The following DECR2 variants were observed in gnomAD, a reference collection of about 807,000 sequenced individuals.
DECR2 encodes the protein 2,4-dienoyl-CoA reductase 2.
In DECR2, 34 loss-of-function variants were observed where a neutral mutation model predicts 29.2. The observed-to-expected ratio is 1.16, with a 90% CI of 0.89 to 1.55. DECR2 has a LOEUF of 1.55. DECR2 is among the 40% of genes most tolerant of loss of function. DECR2 has a pLI of 0.00. For synonymous variants in DECR2, 224 were observed against 182.7 expected (o/e 1.23, Z -1.82); for missense variants, 485 against 425.3 (o/e 1.14, Z -1.23).
chr16:410,401 C>T lies in DECR2; in HGVS notation c.462+34C>T, dbSNP rs1471643553. 5.6e-6 allele frequency: 9 copies of T among 1,593,516 alleles called. No homozygotes were observed. Among genetic ancestry groups the T allele is most frequent in the Non-Finnish European group, 7.7e-6 (9 of 1,166,692 alleles). On this transcript the variant is annotated intron_variant, in intron 5 of 8. Transcript: ENST00000219481. This position sits in a 1 kb window ranked among gnomAD's most constrained non-coding sequence, Gnocchi z 4.1. ...CTCGTGCGCTCTGTGAGAAGTTCTTCCGGGTGGGTGCCTCGTGCGCTCTGT... is the reference window on the plus strand; with the variant it reads ...CTCGTGCGCTCTGTGAGAAGTTCTTTCGGGTGGGTGCCTCGTGCGCTCTGT...
At chr16:406,076 G>A (rs2054720486) in intron 2 of DECR2, among the ~76,000 whole-genome samples, 1 of 152,250 alleles carries the variant, frequency 6.6e-6, no homozygotes. Flanking sequence ...CTGGGCGTCT[G>A]TGGCTCACAG....
intron 2 of DECR2, chr16:405,659 G>A (rs1182130112): frequency 2.4e-6 from 3 of 1,259,356 alleles, no homozygotes; most frequent in Non-Finnish European, 3.2e-6. Context: ...CCGTTTGTCT[G>A]TGTCAGGTGA....
At position 410,363 on chromosome 16, in the gene DECR2, TC is replaced by T; in HGVS notation, c.460del (p.Arg154GlyfsTer6). The T allele has an allele frequency of 6.3e-7, 1 of 1,598,084 alleles. No individual in the cohort carries two copies. Among genetic ancestry groups the T allele is most frequent in the Non-Finnish European group, 8.5e-7 (1 of 1,172,982 alleles). ...TCTCGTGTGCTCTATGAGAAGTTCT[TC>T]CGGGTGGGTGCCTCGTGCGCTCTGT... ...NVSRVLYEKFFRDHGGVIVNI... is the reference protein window; with the variant it reads ...NVSRVLYEKFXRDHGGVIVNI... On this transcript the variant is annotated frameshift_variant, in exon 5 of 9. Transcript: ENST00000219481. LOFTEE classifies it high-confidence loss of function. The surrounding 1 kb of genome is among the most constrained non-coding windows in gnomAD (Gnocchi z 4.1).
In DECR2 at chr16:402,002, T is replaced by C; in HGVS notation, c.39T>C (p.Cys13=). ...CGCCCGACGTGGAGGGGGACGACTG[T>C]CTCCCCGCGTACCGCCACCTCTTCT... The part of the protein sequence containing the change: ...QPPPDVEGDD[C]LPAYRHLFCP... The change falls in exon 1 of 9, where the codon TGT becomes TGC. Residue 13 remains cysteine (C), a synonymous_variant. Transcript: ENST00000219481. 6.7e-7 allele frequency: 1 copy of C among 1,488,888 alleles called. No homozygotes were observed. Among genetic ancestry groups the C allele is most frequent in the Non-Finnish European group, 8.9e-7 (1 of 1,127,020 alleles). 92.2% of individuals were successfully genotyped at this position (1,488,888 alleles called of 1,614,324 possible).
Position 410,346 on chromosome 16 carries a change from G to A in DECR2, c.441G>A (p.Val147=), listed in dbSNP as rs778034146. 18 of 1,610,810 alleles carry A rather than the reference G, an allele frequency of 1.1e-5. No homozygotes were observed. In the South Asian group the frequency reaches 1.5e-4, roughly 14 times the overall value. Residue 147 remains valine, a synonymous_variant, in exon 5 of 9, where the codon GTG becomes GTA. Coordinates refer to ENST00000219481, the MANE Select transcript of DECR2 (RefSeq NM_020664.4). The surrounding 1 kb of genome is among the most constrained non-coding windows in gnomAD (Gnocchi z 4.1). The part of the protein sequence containing the change: ...DTSGTFNVSR[V]LYEKFFRDHG... ...GCGGCACCTTCAATGTGTCTCGTGT[G>A]CTCTATGAGAAGTTCTTCCGGGTGG...
At chr16:404,932 A>G in intron 1 of DECR2, 24 bp from the exon 2 acceptor site, 1 of 1,613,786 alleles carries the variant, frequency 6.2e-7, no homozygotes, top group South Asian at 1.1e-5. Context: ...GCTCTTTTAA[A>G]AGAGCCTCCT....
At position 410,929 on chromosome 16, in the gene DECR2, G is replaced by A; in HGVS notation, c.557-43G>A. ...CTGGCCTTGGCCCTGCGCCCTCGCA[G>A]AGGGCAGAGCGGCCCTTTCATATCC... On this transcript the variant is annotated intron_variant, in intron 6 of 8. Coordinates refer to ENST00000219481, the MANE Select transcript of DECR2 (RefSeq NM_020664.4). The surrounding 1 kb of genome is among the most constrained non-coding windows in gnomAD (Gnocchi z 4.1). The A allele has an allele frequency of 6.4e-7, 1 of 1,557,302 alleles. No individual in the cohort carries two copies. The highest frequency in any genetic ancestry group is 8.7e-7 in the Non-Finnish European group (1 of 1,150,426).
chr16:411,105 C>A, intron 7 of DECR2, 29 bp downstream of exon 7: 1 of 1,473,914 alleles, frequency 6.8e-7, no homozygotes, highest in Middle Eastern at 1.8e-4. Context: ...CCAGGCCTCC[C>A]ACAGATCCTC....
rs764200197 is a variant in DECR2 at position 411,519 on chromosome 16, A to G, written c.820A>G (p.Thr274Ala). The change falls in exon 8 of 9, where the codon ACG becomes GCG. Residue 274 changes from threonine to alanine, a missense_variant. Thr to Ala is a moderately conservative substitution (Grantham distance 58). Coordinates refer to ENST00000219481, the MANE Select transcript of DECR2 (RefSeq NM_020664.4). ...GGTGGCCGATGGCGGGGCATGGTTG[A>G]CGTTCCCAAACGGTGTCAAAGGGCT... is the stretch of plus-strand genomic sequence containing the variant. ...VLVADGGAWL[T>A]FPNGVKGLPD... 2 of 1,614,012 alleles carry G rather than the reference A, an allele frequency of 1.2e-6. No homozygotes were observed. Among genetic ancestry groups the G allele is most frequent in the Admixed American group, 3.3e-5 (2 of 60,020 alleles).
Position 407,433 on chromosome 16 carries a change from G to GA in DECR2, c.212dup (p.Leu72AlafsTer41). The GA allele has an allele frequency of 1.2e-6, 2 of 1,608,248 alleles. No individual in the cohort carries two copies. Among genetic ancestry groups the GA allele is most frequent in the Non-Finnish European group, 1.7e-6 (2 of 1,178,594 alleles). ...CTTTACCTGGCTTCTAGGCCGCCAG[G>GA]AAGCTGGCTGGGGCCACCGGCCGGC... On this transcript the variant is annotated frameshift_variant, in exon 4 of 9. Transcript: ENST00000219481. LOFTEE classifies it high-confidence loss of function.
chr16:404,964 T>C lies in DECR2; in HGVS notation c.89T>C (p.Val30Ala), dbSNP rs1384661734. 1.2e-6 allele frequency: 2 copies of C among 1,613,956 alleles called. No homozygotes were observed. Among genetic ancestry groups the C allele is most frequent in the East Asian group, 2.2e-5 (1 of 44,886 alleles). ...TCCTTTTTTATTCTCAGGGACAAAGTGGCCTTCATCACAGGAGGCGGCTCT... is the reference window on the plus strand; with the variant it reads ...TCCTTTTTTATTCTCAGGGACAAAGCGGCCTTCATCACAGGAGGCGGCTCT... ...LFCPDLLRDKVAFITGGGSGI... is the reference protein window; with the variant it reads ...LFCPDLLRDKAAFITGGGSGI... The change falls in exon 2 of 9, where the codon GTG (valine) becomes GCG (alanine). Residue 30 changes from valine (V) to alanine (A), a missense_variant. Physicochemically the swap from Val to Ala is moderately conservative, Grantham distance 64. Transcript: ENST00000219481.
At chr16:411,776 T>C (rs2054822715) in intron 8 of DECR2, 114 bp from the exon 9 acceptor site, 1 of 562,388 alleles carries the variant, frequency 1.8e-6, no homozygotes, top group South Asian at 2.7e-5. Flanking sequence ...TGCTCTTCTG[T>C]AGCGGCCTCG....
chr16:411,247 G>A, intron 7 of DECR2, 114 bp from the exon 8 acceptor site: 1 of 1,230,314 alleles, frequency 8.1e-7, no homozygotes, highest in Non-Finnish European at 1.1e-6. Flanking sequence ...AGGCCTTGGT[G>A]ACACTGACTG....
At position 405,309 on chromosome 16, in the gene DECR2, T is replaced by C. The variant is rs771233139; in HGVS notation, c.149+285T>C. 1.2e-5 allele frequency: 7 copies of C among 571,654 alleles called. No individual in the cohort carries two copies. The East Asian group carries it at 2.2e-4, about 18-fold the overall frequency. 35.4% of individuals were successfully genotyped at this position (571,654 alleles called of 1,614,324 possible). On this transcript the variant is annotated intron_variant, in intron 2 of 8. Transcript: ENST00000219481. ...GTGTCGGGCCCCAGTGCTGGCGCCC[T>C]GCAGAGCACATTTTCTCCTGGGACA...
Position 410,701 on chromosome 16 carries a change from G to A in DECR2, c.473G>A (p.Gly158Glu), listed in dbSNP as rs893082477. 6 of 1,606,170 alleles carry A rather than the reference G, an allele frequency of 3.7e-6. No individual in the cohort carries two copies. Among genetic ancestry groups the A allele is most frequent in the Non-Finnish European group, 4.2e-6 (5 of 1,178,218 alleles). ...LYEKFFRDHGGVIVNITATLG... is the reference protein window; with the variant it reads ...LYEKFFRDHGEVIVNITATLG... Reference sequence around the variant, plus strand: ...CCTTGTGTGTTGCAGGACCACGGAGGGGTGATCGTGAACATCACTGCCACC... The same window carrying A: ...CCTTGTGTGTTGCAGGACCACGGAGAGGTGATCGTGAACATCACTGCCACC... The change falls in exon 6 of 9, where the codon GGG becomes GAG. Residue 158 changes from glycine to glutamate, a missense_variant. Physicochemically the swap from Gly to Glu is moderately conservative, Grantham distance 98 (BLOSUM62 -2). Coordinates refer to ENST00000219481, the MANE Select transcript of DECR2 (RefSeq NM_020664.4). The surrounding 1 kb of genome is among the most constrained non-coding windows in gnomAD (Gnocchi z 4.1).
chr16:405,090 G>A (rs990382863), intron 2 of DECR2, 66 bp downstream of exon 2: 10 of 1,585,902 alleles, frequency 6.3e-6, no homozygotes, highest in South Asian at 2.2e-5. Context: ...CTGGATGCCC[G>A]ACCCCTGGAA....
chr16:410,458 C>T lies in DECR2; in HGVS notation c.462+91C>T, dbSNP rs1342942415. On this transcript the variant is annotated intron_variant, in intron 5 of 8. Coordinates refer to ENST00000219481, the MANE Select transcript of DECR2 (RefSeq NM_020664.4). The surrounding 1 kb of genome is among the most constrained non-coding windows in gnomAD (Gnocchi z 4.1). ...TTCTTCCGGGTGGGTGCCTTGTGCG[C>T]TCTGTGAGAAGTTCTTCCGGGTGGG... 5 of 1,573,610 alleles carry T rather than the reference C, an allele frequency of 3.2e-6. No individual in the cohort carries two copies. The highest frequency in any genetic ancestry group is 2.3e-4 in the Middle Eastern group (1 of 4,298).
intron 1 of DECR2, among the ~76,000 whole-genome samples, chr16:403,944 T>C (rs1332631357): frequency 6.6e-6 from 1 of 151,772 alleles, no homozygotes. Context: ...GAGGCCGAGG[T>C]GGGTGGATCA....
At chr16:402,685 T>C (rs2054681995) in intron 1 of DECR2, among the ~76,000 whole-genome samples, 1 of 152,040 alleles carries the variant, frequency 6.6e-6, no homozygotes, top group African/African-American at 2.4e-5. Context: ...CAAGTTTCTA[T>C]TAAAATTTTG....
Sources: gnomAD v4.1 joint callset for allele counts (sites outside exome capture counted in the v4.1 genomes callset) on GRCh38, gnomAD v4.1.1 for gene constraint, Gnocchi (gnomAD v3.1) non-coding constraint, MANE v1.5 for transcripts, NCBI Gene and HGNC (gene_info 2026-07-23, HGNC 2026-07-21) for gene names.